PTPRA: variants seen among roughly 807,000 people sequenced by gnomAD.
PTPRA encodes the protein receptor-type tyrosine-protein phosphatase alpha.
Under a neutral mutation model 104.8 loss-of-function variants are expected in PTPRA, and 25 were observed. That is an observed-to-expected ratio of 0.24 (90% CI 0.17 to 0.33). PTPRA has a LOEUF of 0.33. Among genes scored for constraint, PTPRA ranks in the 10% least tolerant of loss-of-function variants. PTPRA has a pLI of 1.00. For missense variants in PTPRA, 765 were observed against 1,015.3 expected (o/e 0.75, Z 3.35); for synonymous variants, 323 against 368.9 (o/e 0.88, Z 1.43).
At chr20:2,920,259 G>T (rs1376090656) in intron 1 of PTPRA, among the ~76,000 whole-genome samples, 2 of 152,162 alleles carry the variant, frequency 1.3e-5, no homozygotes, top group African/African-American at 4.8e-5. Flanking sequence ...TTATAGGTTT[G>T]GAGTTTGGAA....
At chr20:2,864,339 TC>T in the PTPRA span, 1 of 1,613,864 alleles carries the variant, frequency 6.2e-7, no homozygotes, top group Non-Finnish European at 8.5e-7. The surrounding 1 kb of genome is among the most constrained non-coding windows in gnomAD (Gnocchi z 5.2). Flanking sequence ...TGGCTGGAAT[TC>T]CCACTCCACC....
At chr20:2,894,394 T>C (rs1241999443) in intron 1 of PTPRA, among the ~76,000 whole-genome samples, 1 of 152,154 alleles carries the variant, frequency 6.6e-6, no homozygotes, top group Non-Finnish European at 1.5e-5. Flanking sequence ...ATGTAGTCAG[T>C]GTGAATGAGA....
intron 1 of PTPRA, among the ~76,000 whole-genome samples, chr20:2,914,070 AT>A (rs2059812247): frequency 6.6e-6 from 1 of 152,164 alleles, no homozygotes; most frequent in African/African-American, 2.4e-5. Flanking sequence ...TAAGTTATCT[AT>A]TAGTGTACTT....
chr20:2,948,305 TATG>T (rs1159596301), intron 3 of PTPRA, among the ~76,000 whole-genome samples: 1 of 152,232 alleles, frequency 6.6e-6, no homozygotes, highest in African/African-American at 2.4e-5. Flanking sequence ...GTTTACCTAC[TATG>T]TTATTCCCAC....
At chr20:2,865,598 C>A in the PTPRA span, 1 of 1,047,962 alleles carries the variant, frequency 9.5e-7, no homozygotes, top group Non-Finnish European at 1.4e-6. The surrounding 1 kb of genome is among the most constrained non-coding windows in gnomAD (Gnocchi z 5.2). Flanking sequence ...TGCTCCTGTT[C>A]AGCTGCCCGC....
At chr20:2,899,479 T>A (rs1315858000) in intron 1 of PTPRA, among the ~76,000 whole-genome samples, 1 of 152,048 alleles carries the variant, frequency 6.6e-6, no homozygotes, top group Non-Finnish European at 1.5e-5. Flanking sequence ...TAGAAAGTTG[T>A]TAGGTGGGAC....
At chr20:3,000,130 C>CA (rs949393225) in intron 9 of PTPRA, among the ~76,000 whole-genome samples, 14 of 151,436 alleles carry the variant, frequency 9.2e-5, no homozygotes, top group Non-Finnish European at 1.6e-4. Context: ...CAAAAAAATA[C>CA]AAAAAAAATT....
At chr20:3,034,600 C>T (rs892471502) in intron 20 of PTPRA, among the ~76,000 whole-genome samples, 1 of 151,690 alleles carries the variant, frequency 6.6e-6, no homozygotes, top group Admixed American at 6.6e-5. Flanking sequence ...CCCAGGGCAC[C>T]GATCCCTGAG....
At chr20:2,939,873 A>G (rs533264589) in intron 2 of PTPRA, among the ~76,000 whole-genome samples, 44 of 152,324 alleles carry the variant, frequency 2.9e-4, no homozygotes, top group Admixed American at 4.6e-4. Flanking sequence ...TTGGGAGGCC[A>G]AGGCGAGCGG....
At chr20:2,866,609 C>A in the PTPRA span, 1 of 1,610,836 alleles carries the variant, frequency 6.2e-7, no homozygotes, top group Non-Finnish European at 8.5e-7. Context: ...CAAGGGGTTC[C>A]TCCCCTAGCA....
rs772776518 is a variant in PTPRA, at chr20:3,038,140, A to G, written c.*7A>G. On this transcript the variant is annotated 3_prime_UTR_variant, in exon 24 of 24. Coordinates refer to ENST00000399903, the MANE Select transcript of PTPRA (RefSeq NM_001385305.1). ...TTATGCCAACTTCAAGTAAGCGGCA[A>G]CAAGGGTCCGTGGACCAGGAGGATT... 51 of 1,603,298 alleles carry G rather than the reference A, an allele frequency of 3.2e-5. No individual in the cohort carries two copies. The highest frequency in any genetic ancestry group is 4.3e-5 in the Non-Finnish European group (50 of 1,170,252).
intron 22 of PTPRA, among the ~76,000 whole-genome samples, 165 bp downstream of exon 22, chr20:3,036,106 A>G (rs115139078): frequency 4.6e-5 from 7 of 152,340 alleles, no homozygotes; most frequent in African/African-American, 1.7e-4. Context: ...GCTAAGAGAG[A>G]GGACCTTGGA....
chr20:2,887,585 G>A (rs1421343356), intron 1 of PTPRA, among the ~76,000 whole-genome samples: 3 of 152,196 alleles, frequency 2.0e-5, no homozygotes, highest in Non-Finnish European at 2.9e-5. Context: ...GCTTTTGTGT[G>A]TGGGAAGAAG....
chr20:2,993,419 A>T (rs1420249460), intron 9 of PTPRA, among the ~76,000 whole-genome samples: 2 of 152,232 alleles, frequency 1.3e-5, no homozygotes, highest in Non-Finnish European at 2.9e-5. Flanking sequence ...TCATTAGCAT[A>T]GTTGTCAAGG....
At chr20:2,969,962 T>A (rs1319789385) in intron 5 of PTPRA, among the ~76,000 whole-genome samples, 1 of 100,518 alleles carries the variant, frequency 9.9e-6, no homozygotes, top group African/African-American at 4.2e-5. Flanking sequence ...AGAGCAAGAC[T>A]CTCTCTCTAA....
At chr20:2,971,230 C>T (rs868560561) in intron 5 of PTPRA, among the ~76,000 whole-genome samples, 14 of 151,938 alleles carry the variant, frequency 9.2e-5, no homozygotes, top group African/African-American at 3.1e-4. Flanking sequence ...ATGTTAAATA[C>T]GTAGATTAAC....
chr20:3,027,551 C>T (rs2065207019), intron 19 of PTPRA, among the ~76,000 whole-genome samples, 156 bp from the exon 20 acceptor site: 1 of 152,186 alleles, frequency 6.6e-6, no homozygotes, highest in Non-Finnish European at 1.5e-5. Context: ...AAGCAACCAG[C>T]TTGTCAGATA....
At chr20:3,001,949 A>G (rs2063647390) in intron 9 of PTPRA, among the ~76,000 whole-genome samples, 1 of 152,166 alleles carries the variant, frequency 6.6e-6, no homozygotes, top group Admixed American at 6.6e-5. Flanking sequence ...AGCCTGGGCA[A>G]CATAGCAAGA....
chr20:3,031,366 C>G (rs950143107), intron 20 of PTPRA, among the ~76,000 whole-genome samples: 4 of 151,822 alleles, frequency 2.6e-5, no homozygotes, highest in African/African-American at 9.7e-5. Flanking sequence ...AGATGAAACT[C>G]CAGTCCCCAG....
Sources: allele counts gnomAD v4.1 joint callset (sites outside exome capture counted in the v4.1 genomes callset), GRCh38; gene constraint gnomAD v4.1.1; non-coding constraint Gnocchi (gnomAD v3.1); transcripts MANE v1.5; gene names NCBI Gene and HGNC (gene_info 2026-07-23, HGNC 2026-07-21).